The following VPS8 variants were observed in gnomAD, a reference collection of about 807,000 sequenced individuals.
The protein encoded by VPS8 is VPS8 subunit of CORVET complex.
Under a neutral mutation model 216.4 loss-of-function variants are expected in VPS8, and 129 were observed. The observed-to-expected ratio is 0.60, with a 90% confidence interval of 0.52 to 0.69. The LOEUF is 0.69. Ranked by LOEUF, VPS8 falls within the 30% of genes least tolerant of loss-of-function variation. VPS8 has a pLI of 0.00. For synonymous variants in VPS8, 571 were observed against 565.4 expected (o/e 1.01, Z -0.14); for missense variants, 1,531 against 1,683.5 (o/e 0.91, Z 1.59).
At chr3:184,913,875 C>T (rs945030050) in intron 26 of VPS8, among the ~76,000 whole-genome samples, 5 of 152,114 alleles carry the variant, frequency 3.3e-5, no homozygotes, top group South Asian at 2.1e-4. Context: ...TTATCTGGCC[C>T]GAAGTATCAG....
At chr3:185,037,974 AGTTT>A (rs1472563534) in intron 46 of VPS8, among the ~76,000 whole-genome samples, 3 of 152,134 alleles carry the variant, frequency 2.0e-5, no homozygotes, top group African/African-American at 7.2e-5. Context: ...TCTTCCAGGA[AGTTT>A]GTTTCCTGCT....
intron 23 of VPS8, among the ~76,000 whole-genome samples, chr3:184,898,056 G>A (rs1733834347): frequency 1.3e-5 from 2 of 152,018 alleles, no homozygotes; most frequent in African/African-American, 4.8e-5. Context: ...TAGGTTAATA[G>A]CACTTACCAC....
At chr3:184,877,895 TTGAC>T (rs1729566931) in intron 21 of VPS8, among the ~76,000 whole-genome samples, 1 of 152,162 alleles carries the variant, frequency 6.6e-6, no homozygotes, top group Non-Finnish European at 1.5e-5. Context: ...ACCTGAACAA[TTGAC>T]TGATTTGAGT....
intron 40 of VPS8, among the ~76,000 whole-genome samples, chr3:184,976,262 C>T (rs1385923335): frequency 6.6e-6 from 1 of 152,012 alleles, no homozygotes; most frequent in Non-Finnish European, 1.5e-5. Flanking sequence ...TTTTCTGTGT[C>T]TATAATTTCC....
At chr3:184,926,457 G>A (rs1197526311) in intron 30 of VPS8, 137 bp from the exon 31 acceptor site, 2 of 741,380 alleles carry the variant, frequency 2.7e-6, no homozygotes, top group Non-Finnish European at 2.2e-6. Flanking sequence ...AGTTGGGAAG[G>A]TAGCCTACAC....
intron 25 of VPS8, chr3:184,901,186 C>CCT: frequency 1.9e-6 from 1 of 527,666 alleles, no homozygotes; most frequent in African/African-American, 2.0e-5. Flanking sequence ...TCCCCACAGC[C>CCT]CTGCTCTGGG....
intron 45 of VPS8, among the ~76,000 whole-genome samples, chr3:185,018,555 T>C (rs1756165970): frequency 6.6e-6 from 1 of 152,144 alleles, no homozygotes; most frequent in Non-Finnish European, 1.5e-5. Flanking sequence ...CCCACCAAGT[T>C]TTAAATTGTA....
chr3:185,028,640 T>G (rs1216953123), intron 46 of VPS8, among the ~76,000 whole-genome samples: 1 of 152,170 alleles, frequency 6.6e-6, no homozygotes, highest in Admixed American at 6.5e-5. Context: ...TTAAATAGAT[T>G]CAAATATTAG....
At chr3:184,972,884 C>T (rs1001579893) in intron 40 of VPS8, among the ~76,000 whole-genome samples, 5 of 152,198 alleles carry the variant, frequency 3.3e-5, no homozygotes, top group Non-Finnish European at 7.3e-5. Flanking sequence ...TGACACTGGC[C>T]TCTTTCTAAT....
At chr3:185,037,908 G>A (rs758478025) in intron 46 of VPS8, among the ~76,000 whole-genome samples, 2 of 152,014 alleles carry the variant, frequency 1.3e-5, no homozygotes, top group African/African-American at 4.8e-5. Context: ...GTTCTGTGAG[G>A]ATATTTACAG....
At chr3:185,039,582 A>G (rs910040402) in intron 46 of VPS8, among the ~76,000 whole-genome samples, 1 of 152,048 alleles carries the variant, frequency 6.6e-6, no homozygotes, top group Non-Finnish European at 1.5e-5. Flanking sequence ...ACAGGGAGAC[A>G]GGAGTCCAGC....
intron 46 of VPS8, among the ~76,000 whole-genome samples, chr3:185,041,708 A>G (rs947769177): frequency 2.6e-5 from 4 of 152,246 alleles, no homozygotes; most frequent in African/African-American, 9.6e-5. Flanking sequence ...GTGCTGAATT[A>G]TCACCCGTTT....
intron 25 of VPS8, 194 bp downstream of exon 25, chr3:184,901,166 C>A: frequency 1.8e-6 from 1 of 568,592 alleles, no homozygotes; most frequent in Non-Finnish European, 3.1e-6. Context: ...CCCCTTTGTA[C>A]TTGATCCTTT....
chr3:184,857,964 A>G (rs1460105485), intron 14 of VPS8, among the ~76,000 whole-genome samples: 2 of 152,198 alleles, frequency 1.3e-5, no homozygotes, highest in African/African-American at 2.4e-5. Flanking sequence ...GTCCACATGA[A>G]GGGCCCACAT....
intron 32 of VPS8, 114 bp downstream of exon 32, chr3:184,928,647 T>C (rs1464338374): frequency 1.2e-6 from 1 of 809,822 alleles, no homozygotes; most frequent in Non-Finnish European, 1.7e-6. Flanking sequence ...GGAAAGATTA[T>C]ACAAATAACA....
At chr3:184,859,933 A>G (rs777798406) in intron 14 of VPS8, 52 bp from the exon 15 acceptor site, 25 of 1,390,412 alleles carry the variant, frequency 1.8e-5, no homozygotes, top group Admixed American at 5.6e-5. Flanking sequence ...AATATCTAAA[A>G]AAGTCCCTCA....
chr3:184,940,378 C>T (rs1158245283), intron 36 of VPS8, 135 bp downstream of exon 36: 2 of 270,958 alleles, frequency 7.4e-6, no homozygotes, highest in Non-Finnish European at 1.4e-5. Context: ...GTAGGAGCAA[C>T]TGTTACACAG....
At chr3:184,924,601 A>T (rs568631408) in intron 29 of VPS8, among the ~76,000 whole-genome samples, 12 of 152,306 alleles carry the variant, frequency 7.9e-5, no homozygotes, top group African/African-American at 2.9e-4. Flanking sequence ...ACTACACTTT[A>T]CATCTCTACC....
At chr3:185,048,705 C>A in intron 47 of VPS8, 146 bp downstream of exon 47, 1 of 819,902 alleles carries the variant, frequency 1.2e-6, no homozygotes, top group Non-Finnish European at 1.9e-6. Flanking sequence ...GGACAACAGA[C>A]CCTGGCCCCA....
Sources: gnomAD v4.1 joint callset for allele counts (sites outside exome capture counted in the v4.1 genomes callset) on GRCh38, gnomAD v4.1.1 for gene constraint, MANE v1.5 for transcripts, NCBI Gene and HGNC (gene_info 2026-07-23, HGNC 2026-07-21) for gene names.